The following ARFGAP2 variants were observed in gnomAD, a reference collection of about 807,000 sequenced individuals.
The protein encoded by ARFGAP2 is ARF GTPase activating protein 2.
ARFGAP2 carries 45 observed loss-of-function variants against 71.9 expected under a neutral mutation model. That is an observed-to-expected ratio of 0.63 (90% CI 0.49 to 0.80). The LOEUF is 0.80. Ranked by LOEUF, ARFGAP2 falls within the 30% of genes least tolerant of loss-of-function variation. ARFGAP2 has a pLI of 0.00. For synonymous variants in ARFGAP2, 248 were observed against 249.2 expected (o/e 1.00, Z 0.05); for missense variants, 633 against 673.9 (o/e 0.94, Z 0.67).
intron 3 of ARFGAP2, 74 bp downstream of exon 3, chr11:47,175,777 G>T: frequency 6.4e-7 from 1 of 1,553,906 alleles, no homozygotes; most frequent in Non-Finnish European, 8.9e-7. Context: ...AAACGACAGG[G>T]CCTCTTAGGG....
chr11:47,174,481 C>T (rs1371123323), intron 5 of ARFGAP2: 2 of 148,498 alleles, frequency 1.3e-5, no homozygotes, highest in African/African-American at 2.6e-5. Context: ...CTGCAAGCTC[C>T]GCTTCCCGGG....
Position 47,171,758 on chromosome 11 carries a change from G to C in ARFGAP2, c.715C>G (p.Gln239Glu), listed in dbSNP as rs940165170. The change falls in exon 9 of 16, where the codon CAG (glutamine) becomes GAG (glutamate). Residue 239 changes from glutamine to glutamate, a missense_variant. By Grantham distance (29) the Gln-to-Glu change is conservative. Transcript: ENST00000524782. ...KGLGAQKVSS[Q>E]SFSEIERQAQ... Reference sequence around the variant, plus strand: ...TGCCGCTCAATCTCACTGAAGCTCTGGCTGCTCACCTTCTGGGCCCCTAGG... The same window carrying C: ...TGCCGCTCAATCTCACTGAAGCTCTCGCTGCTCACCTTCTGGGCCCCTAGG... 7 of 1,613,980 alleles carry C rather than the reference G, an allele frequency of 4.3e-6. No homozygotes were observed. Among genetic ancestry groups the C allele is most frequent in the Admixed American group, 1.7e-5 (1 of 60,020 alleles).
intron 8 of ARFGAP2, 44 bp downstream of exon 8, chr11:47,172,237 A>AC (rs1322456941): frequency 1.3e-6 from 2 of 1,596,356 alleles, no homozygotes; most frequent in East Asian, 4.5e-5. Context: ...GGTAGCCTGC[A>AC]CCCAGCTCCT....
rs553472031 is a variant in ARFGAP2, at chr11:47,172,439, A to T, written c.620-106T>A. On this transcript the variant is annotated intron_variant, in intron 7 of 15. Coordinates refer to ENST00000524782, the MANE Select transcript of ARFGAP2 (RefSeq NM_032389.6). ...GGCAAGAGCTCCTAAGAACAGCTTC[A>T]GGCAAGGGAAGGCAAAGCTGCCACC... The T allele has an allele frequency of 6.7e-5, 89 of 1,325,566 alleles. No individual in the cohort carries two copies. In the African/African-American group the frequency reaches 1.2e-3, roughly 18 times the overall value. 82.1% of individuals were successfully genotyped at this position (1,325,566 alleles called of 1,614,324 possible). A position where few individuals can be genotyped will look rare whatever the true frequency, so the allele number is the denominator to read the frequency against.
At chr11:47,172,575 A>C (rs1016689644) in intron 7 of ARFGAP2, 10 of 1,148,192 alleles carry the variant, frequency 8.7e-6, no homozygotes, top group Non-Finnish European at 1.2e-5. Flanking sequence ...AGACGTCCGA[A>C]GCACCAGAGA....
chr11:47,173,206 C>A, intron 7 of ARFGAP2: 1 of 608,390 alleles, frequency 1.6e-6, no homozygotes, highest in Non-Finnish European at 2.9e-6. Context: ...GACCCCAGGC[C>A]TTATACACCA....
At position 47,171,548 on chromosome 11, in the gene ARFGAP2, G is replaced by A. The variant is rs557674772; in HGVS notation, c.819C>T (p.Ser273=). 3 of 1,614,202 alleles carry A rather than the reference G, an allele frequency of 1.9e-6. No homozygotes were observed. The highest frequency in any genetic ancestry group is 2.2e-5 in the South Asian group (2 of 91,088). ...GGAGCTCCTGGTAGGCCAGACGCAT[G>A]GAGGCGACCCTTAGGGGGAACAAAG... ...KKQAEESMVA[S]MRLAYQELQI... is the part of the protein sequence containing the mutation. Residue 273 remains serine (S), a synonymous_variant, in exon 10 of 16, where the codon TCC becomes TCT. Transcript: ENST00000524782.
Position 47,173,852 on chromosome 11 carries a change from G to C in ARFGAP2, c.481-12C>G. 1 of 1,590,856 alleles carries C rather than the reference G, an allele frequency of 6.3e-7. No individual in the cohort carries two copies. The highest frequency in any genetic ancestry group is 8.6e-7 in the Non-Finnish European group (1 of 1,169,086). ...TCCCAGGCAGGGGGCTGAAAAGGAG[G>C]CCAGATCACAGATGCCTCGGTGAGC... On this transcript the variant is annotated splice_polypyrimidine_tract_variant and intron_variant, in intron 5 of 15. Transcript: ENST00000524782.
chr11:47,175,389 C>T (rs753676652), intron 3 of ARFGAP2, 76 bp from the exon 4 acceptor site: 1 of 1,599,438 alleles, frequency 6.3e-7, no homozygotes, highest in Admixed American at 1.7e-5. Flanking sequence ...TAGGAGACAT[C>T]TCCTTATGAC....
Position 47,166,362 on chromosome 11 carries a change from A to C in ARFGAP2, c.1451T>G (p.Leu484Arg). The C allele has an allele frequency of 6.2e-7, 1 of 1,614,220 alleles. No homozygotes were observed. The highest frequency in any genetic ancestry group is 2.2e-5 in the East Asian group (1 of 44,884). Residue 484 changes from leucine to arginine, a missense_variant, in exon 15 of 16, where the codon CTG (leucine) becomes CGG (arginine). Physicochemically the swap from Leu to Arg is moderately radical, Grantham distance 102 (BLOSUM62 -2). Transcript: ENST00000524782. ...GAGSVSLGNV[L>R]PTADIAQFKQ... ...AAACTGGGCAATGTCCGCTGTAGGC[A>C]GCACGTTCCCCAGAGATACACTTCC...
intron 10 of ARFGAP2, chr11:47,168,502 G>A (rs993156403): frequency 3.5e-5 from 13 of 370,796 alleles, no homozygotes; most frequent in East Asian, 9.7e-5. Context: ...GGCCAGTGAC[G>A]GTTTGCCTGT....
At position 47,165,430 on chromosome 11, in the gene ARFGAP2, T is replaced by G; in HGVS notation, c.*52A>C. The G allele has an allele frequency of 3.9e-6, 6 of 1,553,884 alleles. No homozygotes were observed. Among genetic ancestry groups the G allele is most frequent in the Admixed American group, 4.0e-5 (2 of 50,456 alleles). On this transcript the variant is annotated 3_prime_UTR_variant, in exon 16 of 16. Transcript: ENST00000524782. ...GGCAAAGCATCCCCAGCCTGGGAAC[T>G]GTGGAGTTCTTGTTGCCGTCACCAT...
In ARFGAP2 at chr11:47,165,516, G is replaced by GA. The variant is rs1348925770; in HGVS notation, c.1546-15_1546-14insT. On this transcript the variant is annotated splice_polypyrimidine_tract_variant and intron_variant, in intron 15 of 15. Transcript: ENST00000524782. ...ACCGTAGCGATCCTGGGGGCGAGGG[G>GA]GGAGAAAAAAAAAAAAAAAGTCAGA... 3 of 1,536,268 alleles carry GA rather than the reference G, an allele frequency of 2.0e-6. No homozygotes were observed. Among genetic ancestry groups the GA allele is most frequent in the South Asian group, 1.2e-5 (1 of 80,380 alleles).
chr11:47,171,285 G>C, intron 10 of ARFGAP2, 141 bp downstream of exon 10: 1 of 1,358,824 alleles, frequency 7.4e-7, no homozygotes, highest in Non-Finnish European at 1.0e-6. Context: ...CACTGTATTA[G>C]GGACTTTAGA....
chr11:47,175,435 A>G, intron 3 of ARFGAP2, 122 bp from the exon 4 acceptor site: 1 of 1,435,930 alleles, frequency 7.0e-7, no homozygotes, highest in Non-Finnish European at 9.7e-7. Flanking sequence ...GATACACGCT[A>G]CTGACACCGG....
At chr11:47,166,185 G>C in intron 15 of ARFGAP2, 83 bp downstream of exon 15, 1 of 1,388,746 alleles carries the variant, frequency 7.2e-7, no homozygotes, top group Non-Finnish European at 1.0e-6. Flanking sequence ...AGGCTCAGAG[G>C]GGCTGAGCAG....
intron 2 of ARFGAP2, 158 bp from the exon 3 acceptor site, chr11:47,176,081 T>C (rs758255603): frequency 2.0e-4 from 133 of 680,716 alleles, no homozygotes; most frequent in Admixed American, 5.7e-4. Flanking sequence ...CCATGAAAAC[T>C]CTCCTCTTCG....
Position 47,171,649 on chromosome 11 carries a change from G to A in ARFGAP2, c.809+15C>T, listed in dbSNP as rs1215355771. The A allele has an allele frequency of 2.5e-6, 4 of 1,613,702 alleles. No individual in the cohort carries two copies. The South Asian group carries it at 3.3e-5, about 13-fold the overall frequency. On this transcript the variant is annotated intron_variant, in intron 9 of 15. Transcript: ENST00000524782. ...AGCCCCGCAGAAGCCTGAGGCCCCG[G>A]CAGCAAACACTTACATGGACTCCTC...
intron 15 of ARFGAP2, 31 bp from the exon 16 acceptor site, chr11:47,165,533 AAAGTCAG>A: frequency 6.4e-7 from 1 of 1,552,030 alleles, no homozygotes; most frequent in South Asian, 1.2e-5. Context: ...AAAAAAAAAA[AAAGTCAG>A]AGGCTCTAAG....
Sources: gnomAD v4.1 joint callset for allele counts on GRCh38, gnomAD v4.1.1 for gene constraint, MANE v1.5 for transcripts, NCBI Gene and HGNC (gene_info 2026-07-23, HGNC 2026-07-21) for gene names.